Variants in CSMD2 observed in about 807,000 individuals in gnomAD.
CSMD2 encodes CUB and Sushi multiple domains 2, also known as CUB and sushi domain-containing protein 2.
In CSMD2, 130 loss-of-function variants were observed where a neutral mutation model predicts 398.5. The observed-to-expected ratio is 0.33, with a 90% CI of 0.28 to 0.38. The LOEUF is 0.38. Ranked by LOEUF, CSMD2 falls within the 10% of genes least tolerant of loss-of-function variation. The pLI is 1.00. For missense variants in CSMD2, 3,829 were observed against 4,764.9 expected, an observed-to-expected ratio of 0.80 and a Z score of 5.78; for synonymous variants, 1,828 against 1,908.5, an observed-to-expected ratio of 0.96 and a Z score of 1.10.
intron 28 of CSMD2, 84 bp downstream of exon 28, chr1:33,652,239 G>T: frequency 1.4e-6 from 2 of 1,446,576 alleles, no homozygotes; most frequent in Non-Finnish European, 9.6e-7. Flanking sequence ...CTACAGACCT[G>T]TGAATACTCA....
chr1:33,985,369 A>G (rs1222671092), intron 3 of CSMD2, among the ~76,000 whole-genome samples: 1 of 152,216 alleles, frequency 6.6e-6, no homozygotes. Flanking sequence ...GTGGTTTGGC[A>G]GCTGGGGAGG....
chr1:33,805,695 A>G (rs1386318153), intron 10 of CSMD2, among the ~76,000 whole-genome samples: 1 of 152,012 alleles, frequency 6.6e-6, no homozygotes, highest in East Asian at 1.9e-4. Context: ...CCTTATGGGA[A>G]GGGGAGGAGG....
rs955485946 is a variant in CSMD2, at chr1:33,610,992, A to G, written c.6343+49T>C. ...GGCTGGGAAGGTGGGTGGCTGGGGC[A>G]AGAGATGGAGATAGACAGAGAAGCA... On this transcript the variant is annotated intron_variant, in intron 41 of 70. Coordinates refer to ENST00000373381, the MANE Select transcript of CSMD2 (RefSeq NM_001281956.2). The G allele has an allele frequency of 2.6e-6, 4 of 1,562,162 alleles. No individual in the cohort carries two copies. The African/African-American group carries it at 5.4e-5, about 21-fold the overall frequency.
intron 5 of CSMD2, among the ~76,000 whole-genome samples, chr1:33,901,935 C>G (rs747940131): frequency 2.6e-5 from 4 of 152,150 alleles, no homozygotes. Context: ...GAATCTACTT[C>G]CTTTATATTA....
At position 33,725,442 on chromosome 1, in the gene CSMD2, G is replaced by A. The variant is rs1256151793; in HGVS notation, c.2602C>T (p.Pro868Ser). 6.2e-7 allele frequency: 1 copy of A among 1,614,164 alleles called. No homozygotes were observed. ...LIGVYHGTQV[P>S]QFLISTSNYL... ...TTGCTGGTGCTGATGAGGAACTGGG[G>A]AACCTGGGTCCCGTGGTAAACCCCG... Residue 868 changes from proline to serine, a missense_variant, in exon 17 of 71, where the codon CCC becomes TCC. This residue lies in a region of CSMD2 where 2,001 missense variants were observed against 2,567.1 expected (regional missense o/e 0.78). Transcript: ENST00000373381.
rs866487349 is a variant in CSMD2 at position 33,559,323 on chromosome 1, C to T, written c.8531G>A (p.Ser2844Asn). 152 of 1,535,466 alleles carry T rather than the reference C, an allele frequency of 9.9e-5. No individual in the cohort carries two copies. The highest frequency in any genetic ancestry group is 1.2e-4 in the Non-Finnish European group (143 of 1,146,882). ...RSQCLASGQW[S>N]DMLPTCRIIN... is the part of the protein sequence containing the mutation. ...ACTTCTGCAGGTGGGCAGCATGTCA[C>T]TCCATTGCCCGCTGGCCAGGCATTG... The change falls in exon 54 of 71, where the codon AGT (serine) becomes AAT (asparagine). Residue 2844 changes from serine (S) to asparagine (N), a missense_variant. Physicochemically the swap from Ser to Asn is conservative, Grantham distance 46. This residue lies in a region of CSMD2 where 917 missense variants were observed against 1,199.5 expected (regional missense o/e 0.76). Coordinates refer to ENST00000373381, the MANE Select transcript of CSMD2 (RefSeq NM_001281956.2). This position sits in a 1 kb window ranked among gnomAD's most constrained non-coding sequence, Gnocchi z 4.0.
rs1297923695 is a variant in CSMD2, at chr1:34,086,033, AAAG to A, written c.404+2941_404+2943del. Among the ~76,000 whole-genome samples, 1,451 of 151,558 alleles carry A rather than the reference AAAG, an allele frequency of 9.6e-3. 22 individuals carry two copies. The highest frequency in any genetic ancestry group is 0.032 in the African/African-American group (1,316 of 41,222). ...TTAAGTTTCCTGGAAAAAAAAAAAA[AAAG>A]AAAGAAAGAAAACCAAGTGTCAGAA... On this transcript the variant is annotated intron_variant, in intron 2 of 70. Coordinates refer to ENST00000373381, the MANE Select transcript of CSMD2 (RefSeq NM_001281956.2).
intron 44 of CSMD2, among the ~76,000 whole-genome samples, chr1:33,590,351 TG>T (rs948641374): frequency 2.2e-5 from 3 of 139,240 alleles, no homozygotes; most frequent in African/African-American, 8.1e-5. Flanking sequence ...TTGCTCAGGC[TG>T]GTCTCAAACT....
chr1:33,868,466 G>A (rs968086508), intron 5 of CSMD2, among the ~76,000 whole-genome samples: 6 of 152,140 alleles, frequency 3.9e-5, no homozygotes, highest in East Asian at 1.9e-4. Flanking sequence ...GGCCAGGCGC[G>A]GTGGCTCATA....
At position 33,853,806 on chromosome 1, in the gene CSMD2, G is replaced by T. The variant is rs118033352; in HGVS notation, c.921-6810C>A. ...GAACACTTTTATTGGACATGTTTGT[G>T]AATGAATGAATAAATGAACAAACAG... On this transcript the variant is annotated intron_variant, in intron 5 of 70. Coordinates refer to ENST00000373381, the MANE Select transcript of CSMD2 (RefSeq NM_001281956.2). 2.7e-3 allele frequency among the ~76,000 whole-genome samples: 415 copies of T among 152,340 alleles called. 8 individuals carry two copies. In the East Asian group the frequency reaches 0.032, roughly 12 times the overall value.
At chr1:33,663,297 T>C (rs960452654) in intron 25 of CSMD2, among the ~76,000 whole-genome samples, 9 of 152,076 alleles carry the variant, frequency 5.9e-5, no homozygotes, top group South Asian at 4.2e-4. Context: ...CCTCCAGCAA[T>C]GGGGACAAGG....
At chr1:33,897,759 A>G (rs1427887392) in intron 5 of CSMD2, among the ~76,000 whole-genome samples, 1 of 152,216 alleles carries the variant, frequency 6.6e-6, no homozygotes, top group African/African-American at 2.4e-5. Flanking sequence ...AACCTCACTG[A>G]GCGTCTTTGA....
intron 2 of CSMD2, among the ~76,000 whole-genome samples, chr1:34,045,527 G>T (rs2148203617): frequency 6.6e-6 from 1 of 152,278 alleles, no homozygotes; most frequent in Non-Finnish European, 1.5e-5. Context: ...ACATCTACTG[G>T]CTCTGCAAAC....
At chr1:34,138,184 C>T (rs1353710770) in intron 1 of CSMD2, among the ~76,000 whole-genome samples, 1 of 152,214 alleles carries the variant, frequency 6.6e-6, no homozygotes, top group South Asian at 2.1e-4. Flanking sequence ...TATGATCCTT[C>T]TGGGGGGTCC....
chr1:34,035,245 C>G (rs2148164971), intron 2 of CSMD2, among the ~76,000 whole-genome samples: 1 of 152,202 alleles, frequency 6.6e-6, no homozygotes, highest in South Asian at 2.1e-4. Flanking sequence ...AAAGAAATAT[C>G]TAGGCCTAGA....
intron 5 of CSMD2, among the ~76,000 whole-genome samples, chr1:33,866,692 C>T (rs1640061884): frequency 6.6e-6 from 1 of 152,196 alleles, no homozygotes; most frequent in South Asian, 2.1e-4. Flanking sequence ...CCTGCTCTTC[C>T]TGCCCTCTCC....
rs943919604 is a variant in CSMD2 at position 34,130,661 on chromosome 1, C to T, written c.187+34250G>A. Among the ~76,000 whole-genome samples the T allele has an allele frequency of 1.4e-4, 21 of 152,042 alleles. 1 individual carries two copies. The highest frequency in any genetic ancestry group is 9.2e-4 in the Admixed American group (14 of 15,256). ...GGAAGCAGGTGGACCAGCCAGGGATCGATTGTCCCAGGGAGAGACAGAGAA... is the reference window on the plus strand; with the variant it reads ...GGAAGCAGGTGGACCAGCCAGGGATTGATTGTCCCAGGGAGAGACAGAGAA... On this transcript the variant is annotated intron_variant, in intron 1 of 70. Coordinates refer to ENST00000373381, the MANE Select transcript of CSMD2 (RefSeq NM_001281956.2).
chr1:33,706,835 T>C (rs1260588259), intron 22 of CSMD2, among the ~76,000 whole-genome samples: 1 of 151,444 alleles, frequency 6.6e-6, no homozygotes, highest in Non-Finnish European at 1.5e-5. Context: ...TGTGTATGTG[T>C]GTGTGCGTGT....
At chr1:33,637,528 A>G (rs1394047546) in intron 29 of CSMD2, among the ~76,000 whole-genome samples, 1 of 152,190 alleles carries the variant, frequency 6.6e-6, no homozygotes, top group African/African-American at 2.4e-5. Context: ...TCAGCTGGAA[A>G]TCCTGAGCAG....
Sources: allele counts gnomAD v4.1 joint callset (sites outside exome capture counted in the v4.1 genomes callset), GRCh38; gene constraint gnomAD v4.1.1; regional missense constraint gnomAD v4.1.1; non-coding constraint Gnocchi (gnomAD v3.1); transcripts MANE v1.5; gene names NCBI Gene and HGNC (gene_info 2026-07-23, HGNC 2026-07-21).